Variants in ZNF559 observed in about 807,000 individuals in gnomAD.
ZNF559 encodes putative protein product of Nbla00121.
Under a neutral mutation model 14.2 loss-of-function variants are expected in ZNF559, and 17 were observed. That is an observed-to-expected ratio of 1.20 (90% CI 0.82 to 1.80). The LOEUF is 1.80. Ranked by LOEUF, ZNF559 falls within the 40% of genes most tolerant of loss-of-function variation. ZNF559 has a pLI of 0.00. For synonymous variants in ZNF559, 244 were observed against 212.4 expected (o/e 1.15, Z -1.29); for missense variants, 740 against 629.7 (o/e 1.18, Z -1.88).
In ZNF559 at chr19:9,341,843, C is replaced by T. The variant is rs1310595535; in HGVS notation, c.392C>T (p.Pro131Leu). The T allele has an allele frequency of 6.2e-7, 1 of 1,610,414 alleles. No individual in the cohort carries two copies. The highest frequency in any genetic ancestry group is 1.7e-5 in the Admixed American group (1 of 59,050). Residue 131 changes from proline to leucine, a missense_variant, in exon 7 of 7, where the codon CCC (proline) becomes CTC (leucine). Coordinates refer to ENST00000603380, the MANE Select transcript of ZNF559 (RefSeq NM_032497.3). ...CAATGTGAAAAAGCCTTCAGAAAACCCTCTATCTTTACTTTACACAAGAAA... is the reference window on the plus strand; with the variant it reads ...CAATGTGAAAAAGCCTTCAGAAAACTCTCTATCTTTACTTTACACAAGAAA... ...CNQCEKAFRK[P>L]SIFTLHKKTD...
Position 9,341,780 on chromosome 19 carries a change from G to A in ZNF559, c.329G>A (p.Arg110Lys). Residue 110 changes from arginine (R) to lysine (K), a missense_variant, in exon 7 of 7, where the codon AGG becomes AAG. Coordinates refer to ENST00000603380, the MANE Select transcript of ZNF559 (RefSeq NM_032497.3). ...LSEHSCLKTH[R>K]RTYFRKKTCE... ...GAACACTCATGCCTTAAGACTCACA[G>A]GAGAACTTACTTTAGAAAGAAAACC... 1 of 1,607,854 alleles carries A rather than the reference G, an allele frequency of 6.2e-7. No homozygotes were observed. Among genetic ancestry groups the A allele is most frequent in the Non-Finnish European group, 8.5e-7 (1 of 1,178,390 alleles).
rs1212914253 is a variant in ZNF559 at position 9,343,307 on chromosome 19, A to T, written c.*239A>T. 1 of 1,294,406 alleles carries T rather than the reference A, an allele frequency of 7.7e-7. No homozygotes were observed. Among genetic ancestry groups the T allele is most frequent in the East Asian group, 3.3e-5 (1 of 30,710 alleles). The allele number at this position is 1,294,406 out of a possible 1,614,324, so 80.2% of individuals were successfully genotyped here. A position where few individuals can be genotyped will look rare whatever the true frequency, so the allele number is the denominator to read the frequency against. On this transcript the variant is annotated 3_prime_UTR_variant, in exon 7 of 7. Transcript: ENST00000603380. ...ATGTGTCTGTGCATCCTAGGAAACAAACTGAACGTAGGAAACCTGTCGATG... is the reference window on the plus strand; with the variant it reads ...ATGTGTCTGTGCATCCTAGGAAACATACTGAACGTAGGAAACCTGTCGATG...
chr19:9,339,664 T>C (rs1439709964), intron 5 of ZNF559, among the ~76,000 whole-genome samples: 2 of 138,612 alleles, frequency 1.4e-5, no homozygotes, highest in African/African-American at 5.4e-5. Context: ...GTCATGAACA[T>C]TGTGTTGTAA....
At chr19:9,326,136 C>T (rs1479049341) in intron 2 of ZNF559, among the ~76,000 whole-genome samples, 2 of 95,944 alleles carry the variant, frequency 2.1e-5, no homozygotes, top group Admixed American at 1.7e-4. Context: ...TTTTTTGAGA[C>T]GGAGTCTGTC....
chr19:9,342,894 A>G lies in ZNF559; in HGVS notation c.1443A>G (p.Thr481=). 1.2e-6 allele frequency: 2 copies of G among 1,613,254 alleles called. No homozygotes were observed. The highest frequency in any genetic ancestry group is 8.5e-7 in the Non-Finnish European group (1 of 1,179,748). Residue 481 remains threonine (T), a synonymous_variant, in exon 7 of 7, where the codon ACA becomes ACG. Transcript: ENST00000603380. Reference sequence around the variant, plus strand: ...CCTTCAGTATCTCATCAGGCCTTACAGTACACATGAGAACTCACACTGGTG... The same window carrying G: ...CCTTCAGTATCTCATCAGGCCTTACGGTACACATGAGAACTCACACTGGTG... The part of the protein sequence containing the change: ...GQAFSISSGL[T]VHMRTHTGER...
rs147456906 is a variant in ZNF559 at position 9,342,979 on chromosome 19, C to A, written c.1528C>A (p.Arg510=). ...KAFTRSTYLI[R]HLRSHSVEKP... The stretch of plus-strand genomic sequence containing the variant: ...CTTTACTCGGTCCACATATCTTATT[C>A]GACATCTAAGAAGTCATAGTGTGGA... The change falls in exon 7 of 7, where the codon CGA becomes AGA. Residue 510 remains arginine (R), a synonymous_variant. Transcript: ENST00000603380. 1 of 1,614,134 alleles carries A rather than the reference C, an allele frequency of 6.2e-7. No homozygotes were observed.
rs1251222205 is a variant in ZNF559 at position 9,339,281 on chromosome 19, A to T, written c.122A>T (p.Asp41Val). The T allele has an allele frequency of 6.2e-7, 1 of 1,613,830 alleles. No homozygotes were observed. The highest frequency in any genetic ancestry group is 1.7e-5 in the Admixed American group (1 of 59,984). Residue 41 changes from aspartate (D) to valine (V), a missense_variant, in exon 5 of 7, where the codon GAT becomes GTT. Asp to Val is a radical substitution (Grantham distance 152). Coordinates refer to ENST00000603380, the MANE Select transcript of ZNF559 (RefSeq NM_032497.3). The part of the protein sequence containing the change: ...LDQTQRNLYR[D>V]VMLENYKNLV... ...CAAACTCAGAGAAACTTATACAGAGATGTGATGCTGGAGAACTATAAGAAT... is the reference window on the plus strand; with the variant it reads ...CAAACTCAGAGAAACTTATACAGAGTTGTGATGCTGGAGAACTATAAGAAT...
Position 9,344,137 on chromosome 19 carries a change from G to GGTGCGTGCCATCTCTGCTCACTGCA in ZNF559, c.*1069_*1070insGTGCGTGCCATCTCTGCTCACTGCA, listed in dbSNP as rs2067681270. On this transcript the variant is annotated 3_prime_UTR_variant, in exon 7 of 7. Transcript: ENST00000603380. ...TACGTGCCTGTAATCCCAGCTACTC[G>GGTGCGTGCCATCTCTGCTCACTGCA]AGAGGTTGAGGCAGAATTGCTTGAA... is the stretch of plus-strand genomic sequence containing the variant. 1 of 151,836 alleles carries GGTGCGTGCCATCTCTGCTCACTGCA rather than the reference G, an allele frequency of 6.6e-6. No individual in the cohort carries two copies. Among genetic ancestry groups the GGTGCGTGCCATCTCTGCTCACTGCA allele is most frequent in the African/African-American group, 2.4e-5 (1 of 41,316 alleles). The allele number at this position is 151,836 out of a possible 1,614,324, so 9.4% of individuals were successfully genotyped here. A position where few individuals can be genotyped will look rare whatever the true frequency, so the allele number is the denominator to read the frequency against.
chr19:9,342,216 T>C lies in ZNF559; in HGVS notation c.765T>C (p.Tyr255=). The C allele has an allele frequency of 6.3e-7, 1 of 1,593,238 alleles. No individual in the cohort carries two copies. The highest frequency in any genetic ancestry group is 8.5e-7 in the Non-Finnish European group (1 of 1,173,326). The change falls in exon 7 of 7, where the codon TAT becomes TAC. Residue 255 remains tyrosine (Y), a synonymous_variant. Transcript: ENST00000603380. ...ACGKPFTESS[Y]LTQHLRTHSR... ...GGAAACCCTTCACTGAGTCGTCATA[T>C]CTTACTCAACATTTAAGAACTCATA...
Position 9,342,439 on chromosome 19 carries a change from T to C in ZNF559, c.988T>C (p.Cys330Arg). The change falls in exon 7 of 7, where the codon TGT (cysteine) becomes CGT (arginine). Residue 330 changes from cysteine (C) to arginine (R), a missense_variant. Cys to Arg is a radical substitution (Grantham distance 180). Transcript: ENST00000603380. The part of the protein sequence containing the change: ...TGEKPYECNK[C>R]GKAFTDSSGL... The stretch of plus-strand genomic sequence containing the variant: ...AGAAAAACCGTATGAGTGCAACAAA[T>C]GTGGGAAAGCCTTCACTGATTCATC... The C allele has an allele frequency of 1.2e-6, 2 of 1,614,160 alleles. No homozygotes were observed. The highest frequency in any genetic ancestry group is 2.7e-5 in the African/African-American group (2 of 75,054).
chr19:9,342,181 A>T lies in ZNF559; in HGVS notation c.730A>T (p.Lys244Ter), dbSNP rs758292473. 7 of 1,608,676 alleles carry T rather than the reference A, an allele frequency of 4.4e-6. No homozygotes were observed. The highest frequency in any genetic ancestry group is 2.5e-6 in the Non-Finnish European group (3 of 1,178,346). ...TQDGEKFYEC[K>*]ACGKPFTESS... ...AGATGGAGAAAAATTCTATGAATGT[A>T]AAGCATGTGGGAAACCCTTCACTGA... Residue 244 changes from lysine (K) to a stop codon, truncating the protein, a stop_gained, in exon 7 of 7, where the codon AAA (lysine) becomes TAA (stop). Transcript: ENST00000603380. LOFTEE classifies it low-confidence loss of function (END_TRUNC).
At chr19:9,338,664 C>T (rs909505952) in intron 4 of ZNF559, 82 bp downstream of exon 4, 3 of 1,042,886 alleles carry the variant, frequency 2.9e-6, no homozygotes, top group East Asian at 4.8e-5. Flanking sequence ...GGAACAGGGC[C>T]CCTGCAAGCA....
At position 9,333,751 on chromosome 19, in the gene ZNF559, C is replaced by CA. The variant is rs59926460; in HGVS notation, c.-119-4034dup. ...AGATAATTCCTACGTATGTAACTGACAAAAAAAAAAAGGCTAATATCCAAA... is the reference window on the plus strand; with the variant it reads ...AGATAATTCCTACGTATGTAACTGACAAAAAAAAAAAAGGCTAATATCCAAA... On this transcript the variant is annotated intron_variant, in intron 2 of 6. Transcript: ENST00000603380. Among the ~76,000 whole-genome samples the CA allele has an allele frequency of 4.7e-3, 641 of 136,590 alleles. 4 individuals carry two copies. Among genetic ancestry groups the CA allele is most frequent in the Middle Eastern group, 0.022 (6 of 274 alleles). 89.6% of individuals were successfully genotyped at this position (136,590 alleles called of 152,430 possible).
chr19:9,340,733 A>ATTTTTTTTTTTTTTTT (rs201367378), intron 5 of ZNF559, among the ~76,000 whole-genome samples: 1,231 of 123,912 alleles, frequency 9.9e-3, no homozygotes, highest in Non-Finnish European at 0.015. Context: ...TGCCTGGCTA[A>ATTTTTTTTTTTTTTTT]TTTTTTTTTT....
In ZNF559 at chr19:9,342,912, C is replaced by T. The variant is rs373851481; in HGVS notation, c.1461C>T (p.His487=). The change falls in exon 7 of 7, where the codon CAC becomes CAT. Residue 487 remains histidine, a synonymous_variant. Coordinates refer to ENST00000603380, the MANE Select transcript of ZNF559 (RefSeq NM_032497.3). The part of the protein sequence containing the change: ...SSGLTVHMRT[H]TGERPFECQE... ...GCCTTACAGTACACATGAGAACTCACACTGGTGAACGGCCCTTTGAATGTC... is the reference window on the plus strand; with the variant it reads ...GCCTTACAGTACACATGAGAACTCATACTGGTGAACGGCCCTTTGAATGTC... 2.5e-6 allele frequency: 4 copies of T among 1,614,204 alleles called. No individual in the cohort carries two copies. The highest frequency in any genetic ancestry group is 3.4e-6 in the Non-Finnish European group (4 of 1,180,032).
rs187752313 is a variant in ZNF559, at chr19:9,330,767, T to C, written c.-120+5987T>C. Among the ~76,000 whole-genome samples the C allele has an allele frequency of 9.7e-4, 148 of 152,358 alleles. 1 individual carries two copies. In the South Asian group the frequency reaches 9.9e-3, roughly 10 times the overall value. On this transcript the variant is annotated intron_variant, in intron 2 of 6. Transcript: ENST00000603380. Reference sequence around the variant, plus strand: ...TCACTGATCTTTAAGATGATTGTTATGACTTCCTTCTCAGGTTATTCACAG... The same window carrying C: ...TCACTGATCTTTAAGATGATTGTTACGACTTCCTTCTCAGGTTATTCACAG...
intron 2 of ZNF559, among the ~76,000 whole-genome samples, chr19:9,326,327 G>A (rs537765005): frequency 3.9e-5 from 6 of 152,026 alleles, no homozygotes; most frequent in South Asian, 2.1e-4. Context: ...GGCTGGTCTC[G>A]AACTCCTGAC....
At position 9,342,869 on chromosome 19, in the gene ZNF559, C is replaced by T; in HGVS notation, c.1418C>T (p.Ala473Val). 2 of 1,614,030 alleles carry T rather than the reference C, an allele frequency of 1.2e-6. No individual in the cohort carries two copies. Among genetic ancestry groups the T allele is most frequent in the Non-Finnish European group, 1.7e-6 (2 of 1,180,014 alleles). The change falls in exon 7 of 7, where the codon GCC becomes GTC. Residue 473 changes from alanine (A) to valine (V), a missense_variant. Coordinates refer to ENST00000603380, the MANE Select transcript of ZNF559 (RefSeq NM_032497.3). ...TATAAATGTCAAAAGTGTGGGCAAG[C>T]CTTCAGTATCTCATCAGGCCTTACA... ...RPYKCQKCGQAFSISSGLTVH... is the reference protein window; with the variant it reads ...RPYKCQKCGQVFSISSGLTVH...
intron 3 of ZNF559, chr19:9,338,135 A>G (rs988800606): frequency 6.0e-5 from 52 of 867,756 alleles, no homozygotes; most frequent in Non-Finnish European, 6.1e-5. Flanking sequence ...AGAAGAGGCT[A>G]AAGTAGATAC....
Sources: gnomAD v4.1 joint callset for allele counts (sites outside exome capture counted in the v4.1 genomes callset) on GRCh38, gnomAD v4.1.1 for gene constraint, MANE v1.5 for transcripts, NCBI Gene and HGNC (gene_info 2026-07-23, HGNC 2026-07-21) for gene names.